ST6GALNAC1: variants seen among roughly 807,000 people sequenced by gnomAD.
ST6GALNAC1 encodes the protein ST6 N-acetylgalactosaminide alpha-2,6-sialyltransferase 1, also known as alpha-N-acetylgalactosaminide alpha-2,6-sialyltransferase 1.
Under a neutral mutation model 56.8 loss-of-function variants are expected in ST6GALNAC1, and 45 were observed. The ratio of observed to expected loss-of-function variants is 0.79; its 90% CI spans 0.62 to 1.02. The LOEUF (loss-of-function observed/expected upper bound fraction) is 1.02. ST6GALNAC1 is among the 50% of genes least tolerant of loss of function. The probability of loss-of-function intolerance (pLI) is 0.00; values close to 1 mark genes in which losing one functional copy is unlikely to be tolerated. For synonymous variants in ST6GALNAC1, 295 were observed against 297.8 expected (o/e 0.99, Z 0.10); for missense variants, 743 against 754.8 (o/e 0.98, Z 0.18).
chr17:76,624,203 G>A (rs945299312), downstream of ST6GALNAC1, among the ~76,000 whole-genome samples: 4 of 151,986 alleles, frequency 2.6e-5, no homozygotes, highest in Admixed American at 1.3e-4. Context: ...CCTACCGAGG[G>A]TCCTTTATTC....
In ST6GALNAC1 at chr17:76,639,638, A is replaced by AACACAC. The variant is rs55706272; in HGVS notation, c.131+3864_131+3869dup. 9.2e-3 allele frequency among the ~76,000 whole-genome samples: 1,148 copies of AACACAC among 125,198 alleles called. 26 individuals are homozygous for AACACAC. Among genetic ancestry groups the AACACAC allele is most frequent in the African/African-American group, 0.025 (779 of 30,794 alleles). The allele number at this position is 125,198 out of a possible 152,430, so 82.1% of individuals were successfully genotyped here. A position where few individuals can be genotyped will look rare whatever the true frequency, so the allele number is the denominator to read the frequency against. On this transcript the variant is annotated intron_variant, in intron 1 of 8. Transcript: ENST00000156626. ...CACAAATTCATATAATTACATGATA[A>AACACAC]ACACACACACACACACACACACACA...
chr17:76,626,593 C>G, intron 5 of ST6GALNAC1, 58 bp downstream of exon 5: 1 of 1,609,772 alleles, frequency 6.2e-7, no homozygotes, highest in Non-Finnish European at 8.5e-7. Flanking sequence ...CCCTTCTCAC[C>G]TCCTGTGCTC....
At chr17:76,642,165 CATCT>C (rs1038915780) in intron 1 of ST6GALNAC1, among the ~76,000 whole-genome samples, 27 of 151,132 alleles carry the variant, frequency 1.8e-4, no homozygotes, top group Admixed American at 7.3e-4. Flanking sequence ...TCTATCTATC[CATCT>C]ATCTGTCCAT....
chr17:76,640,578 T>G (rs1272969822), intron 1 of ST6GALNAC1, among the ~76,000 whole-genome samples: 1 of 152,228 alleles, frequency 6.6e-6, no homozygotes, highest in Non-Finnish European at 1.5e-5. Flanking sequence ...TGCGATCAAG[T>G]GTTCCAACAA....
the ST6GALNAC1 span, among the ~76,000 whole-genome samples, chr17:76,618,516 G>A: frequency 1.3e-5 from 2 of 152,128 alleles, no homozygotes; most frequent in African/African-American, 2.4e-5. Context: ...AATGGCTCAT[G>A]TTTGTAATCC....
At chr17:76,639,313 A>G (rs1410045752) in intron 1 of ST6GALNAC1, among the ~76,000 whole-genome samples, 1 of 152,128 alleles carries the variant, frequency 6.6e-6, no homozygotes, top group African/African-American at 2.4e-5. Flanking sequence ...GCGGTGGCCC[A>G]TGCTGTAATC....
the ST6GALNAC1 span, among the ~76,000 whole-genome samples, chr17:76,618,404 A>T: frequency 6.6e-6 from 1 of 152,214 alleles, no homozygotes; most frequent in Non-Finnish European, 1.5e-5. Context: ...GAGGACAGAA[A>T]AAACAATTTA....
downstream of ST6GALNAC1, among the ~76,000 whole-genome samples, chr17:76,621,319 A>G (rs1298046205): frequency 6.7e-6 from 1 of 150,088 alleles, no homozygotes; most frequent in Admixed American, 6.7e-5. Context: ...AGTAGCTGGG[A>G]CTACAGGTGC....
At chr17:76,619,740 G>GTTTTTTTTTTTTTTTTTTTT in the ST6GALNAC1 span, among the ~76,000 whole-genome samples, 10 of 101,586 alleles carry the variant, frequency 9.8e-5, 2 homozygotes, top group African/African-American at 3.9e-4. Flanking sequence ...AATAATGTTA[G>GTTTTTTTTTTTTTTTTTTTT]TTTTTTTTTT....
chr17:76,643,082 G>C (rs1022416726), intron 1 of ST6GALNAC1, among the ~76,000 whole-genome samples: 8 of 152,144 alleles, frequency 5.3e-5, no homozygotes, highest in African/African-American at 1.9e-4. Flanking sequence ...ACAAACTTAG[G>C]GTGAGTCCGG....
At chr17:76,620,522 A>G (rs1291906591), downstream of ST6GALNAC1, among the ~76,000 whole-genome samples, 1 of 150,914 alleles carries the variant, frequency 6.6e-6, no homozygotes, top group African/African-American at 2.4e-5. Flanking sequence ...CCCTATTCCT[A>G]TTTAGCCCCC....
chr17:76,626,376 T>A lies in ST6GALNAC1; in HGVS notation c.1328A>T (p.His443Leu), dbSNP rs536267518. The A allele has an allele frequency of 6.2e-7, 1 of 1,614,104 alleles. No individual in the cohort carries two copies. The highest frequency in any genetic ancestry group is 1.1e-5 in the South Asian group (1 of 91,086). ...VPLGKDVRYL[H>L]FLEGTRDYEW... Reference sequence around the variant, plus strand: ...ATAGTCCCGGGTGCCTTCCAGGAAGTGCAAGTAGCGGACGTCCTGAGGACC... The same window carrying A: ...ATAGTCCCGGGTGCCTTCCAGGAAGAGCAAGTAGCGGACGTCCTGAGGACC... The change falls in exon 6 of 9, where the codon CAC becomes CTC. Residue 443 changes from histidine (H) to leucine (L), a missense_variant. His to Leu is a moderately conservative substitution (Grantham distance 99). Transcript: ENST00000156626.
chr17:76,635,157 T>C (rs1177458628), intron 1 of ST6GALNAC1, among the ~76,000 whole-genome samples: 1 of 152,104 alleles, frequency 6.6e-6, no homozygotes, highest in Non-Finnish European at 1.5e-5. Context: ...TCAATCTTAG[T>C]GGGGAGATTC....
Position 76,625,538 on chromosome 17 carries a change from G to A in ST6GALNAC1, c.1606-11C>T. 6.2e-7 allele frequency: 1 copy of A among 1,613,076 alleles called. No homozygotes were observed. Among genetic ancestry groups the A allele is most frequent in the Non-Finnish European group, 8.5e-7 (1 of 1,179,896 alleles). On this transcript the variant is annotated splice_polypyrimidine_tract_variant and intron_variant, in intron 8 of 8. Coordinates refer to ENST00000156626, the MANE Select transcript of ST6GALNAC1 (RefSeq NM_018414.5). ...GCCATAAGCACTCACCTACATCACG[G>A]TTGGAGGAGAAACACGGCCTGTAGT...
rs752841390 is a variant in ST6GALNAC1 at position 76,643,568 on chromosome 17, A to G, written c.71T>C (p.Leu24Pro). Residue 24 changes from leucine (L) to proline (P), a missense_variant, in exon 1 of 9, where the codon CTG (leucine) becomes CCG (proline). Transcript: ENST00000156626. ...GVQWSLLLAV[L>P]VFFLFALPSF... ...GGGCAAGGCGAAGAGAAAGAAGACC[A>G]GGACAGCCAGAAGCAAGGACCACTG... is the stretch of plus-strand genomic sequence containing the variant. 2.7e-5 allele frequency: 44 copies of G among 1,614,092 alleles called. No homozygotes were observed. Among genetic ancestry groups the G allele is most frequent in the Non-Finnish European group, 3.6e-5 (43 of 1,179,998 alleles).
chr17:76,635,869 G>T (rs1370811833), intron 1 of ST6GALNAC1, among the ~76,000 whole-genome samples: 2 of 152,160 alleles, frequency 1.3e-5, no homozygotes, highest in Non-Finnish European at 2.9e-5. Context: ...ATAAGCAGCT[G>T]CCTTAAAGTG....
chr17:76,627,925 G>A lies in ST6GALNAC1; in HGVS notation c.832-342C>T, dbSNP rs910121627. On this transcript the variant is annotated intron_variant, in intron 2 of 8. Transcript: ENST00000156626. The surrounding 1 kb of genome is among the most constrained non-coding windows in gnomAD (Gnocchi z 4.4). ...ATCCTGGCTAACACGGTGAAACCCC[G>A]TCTCTACTAAAAATACAAAAAATTA... 3.6e-4 allele frequency among the ~76,000 whole-genome samples: 54 copies of A among 151,878 alleles called. No homozygotes were observed. The highest frequency in any genetic ancestry group is 5.1e-4 in the Non-Finnish European group (35 of 67,964).
chr17:76,622,290 G>A (rs2075749711), downstream of ST6GALNAC1, among the ~76,000 whole-genome samples: 3 of 150,392 alleles, frequency 2.0e-5, no homozygotes, highest in South Asian at 6.3e-4. Flanking sequence ...TGTGATATAT[G>A]TGGCAAATAT....
chr17:76,636,077 C>A, intron 1 of ST6GALNAC1, among the ~76,000 whole-genome samples: 1 of 152,112 alleles, frequency 6.6e-6, no homozygotes, highest in Non-Finnish European at 1.5e-5. Context: ...AAAGCAGAAA[C>A]TGCCTTAAAA....
Sources: gnomAD v4.1 joint callset for allele counts (sites outside exome capture counted in the v4.1 genomes callset) on GRCh38, gnomAD v4.1.1 for gene constraint, Gnocchi (gnomAD v3.1) non-coding constraint, MANE v1.5 for transcripts, NCBI Gene and HGNC (gene_info 2026-07-23, HGNC 2026-07-21) for gene names.